CLSTN2: variants seen among roughly 807,000 people sequenced by gnomAD.
CLSTN2 encodes the protein calsyntenin 2.
CLSTN2 carries 48 observed loss-of-function variants against 101.2 expected under a neutral mutation model. The ratio of observed to expected loss-of-function variants is 0.47; its 90% CI spans 0.38 to 0.60. The LOEUF is 0.60. CLSTN2 is among the 20% of genes least tolerant of loss of function. The pLI is 0.00. For missense variants in CLSTN2, 1,160 were observed against 1,238.2 expected (o/e 0.94, Z 0.95); for synonymous variants, 481 against 463.6 (o/e 1.04, Z -0.48).
At chr3:140,548,636 G>A (rs947179486) in intron 10 of CLSTN2, among the ~76,000 whole-genome samples, 3 of 152,202 alleles carry the variant, frequency 2.0e-5, no homozygotes, top group Non-Finnish European at 4.4e-5. Context: ...TGTGAGTGAT[G>A]AGAGAGGGCT....
intron 1 of CLSTN2, among the ~76,000 whole-genome samples, chr3:140,103,150 A>G (rs2008996331): frequency 6.6e-6 from 1 of 152,206 alleles, no homozygotes; most frequent in Admixed American, 6.5e-5. Context: ...CCATGTTCCC[A>G]GTACCTGGGC....
At chr3:140,467,379 T>C (rs1933733243) in intron 8 of CLSTN2, among the ~76,000 whole-genome samples, 2 of 152,222 alleles carry the variant, frequency 1.3e-5, no homozygotes, top group South Asian at 4.1e-4. Flanking sequence ...TGGGTGGCTG[T>C]GCCATCAGGA....
At chr3:140,221,019 G>A (rs1387796966) in intron 2 of CLSTN2, among the ~76,000 whole-genome samples, 1 of 152,238 alleles carries the variant, frequency 6.6e-6, no homozygotes, top group Non-Finnish European at 1.5e-5. Flanking sequence ...GAGACTCATA[G>A]ACAAGGTCTA....
chr3:140,412,835 G>T (rs1379480776), intron 4 of CLSTN2, among the ~76,000 whole-genome samples: 1 of 152,058 alleles, frequency 6.6e-6, no homozygotes, highest in Non-Finnish European at 1.5e-5. Flanking sequence ...ATATCTTGAG[G>T]CAAATGAAAA....
intron 10 of CLSTN2, among the ~76,000 whole-genome samples, chr3:140,553,873 A>G (rs2107790069): frequency 6.6e-6 from 1 of 152,334 alleles, no homozygotes; most frequent in African/African-American, 2.4e-5. Flanking sequence ...GGGTTTGGTG[A>G]GTACTGATAA....
chr3:140,200,046 C>A (rs570131080), intron 2 of CLSTN2, among the ~76,000 whole-genome samples: 2 of 152,166 alleles, frequency 1.3e-5, no homozygotes, highest in African/African-American at 4.8e-5. Flanking sequence ...CCTACAAGGC[C>A]TTTAGTCCAG....
At chr3:140,496,724 C>G (rs569303469) in intron 8 of CLSTN2, among the ~76,000 whole-genome samples, 1 of 152,204 alleles carries the variant, frequency 6.6e-6, no homozygotes, top group South Asian at 2.1e-4. Context: ...CTGTTGTTGG[C>G]CTGGATGCTC....
chr3:140,338,588 C>T (rs1185396728), intron 2 of CLSTN2, among the ~76,000 whole-genome samples: 2 of 152,164 alleles, frequency 1.3e-5, no homozygotes, highest in Non-Finnish European at 2.9e-5. Context: ...CAGTAGTGCT[C>T]AGTGAACGGT....
intron 2 of CLSTN2, among the ~76,000 whole-genome samples, chr3:140,309,733 G>A (rs996005716): frequency 4.6e-5 from 7 of 151,988 alleles, no homozygotes; most frequent in Admixed American, 6.6e-5. Flanking sequence ...TTATTCCCCC[G>A]TGACTAAGTC....
chr3:140,100,147 CTT>C lies in CLSTN2; in HGVS notation c.110-75791_110-75790del, dbSNP rs34115783. 8.8e-3 allele frequency among the ~76,000 whole-genome samples: 1,273 copies of C among 145,346 alleles called. 23 individuals carry two copies. The highest frequency in any genetic ancestry group is 0.029 in the African/African-American group (1,146 of 39,700). ...ATTATCCTCTGTAAGTTGCATTTCT[CTT>C]TTTTTTTTTTTTGAACCATGCAACT... On this transcript the variant is annotated intron_variant, in intron 1 of 16. Transcript: ENST00000458420.
chr3:140,126,834 C>G (rs2009441456), intron 1 of CLSTN2, among the ~76,000 whole-genome samples: 1 of 152,112 alleles, frequency 6.6e-6, no homozygotes, highest in Non-Finnish European at 1.5e-5. Flanking sequence ...CAGGGATGGT[C>G]ACATCTGAAC....
chr3:139,977,288 A>G (rs1935833532), intron 1 of CLSTN2, among the ~76,000 whole-genome samples: 1 of 152,116 alleles, frequency 6.6e-6, no homozygotes, highest in Non-Finnish European at 1.5e-5. Context: ...AACAAGGGAT[A>G]AAGGAAGAAT....
chr3:140,556,444 G>A, intron 10 of CLSTN2, 69 bp from the exon 11 acceptor site: 2 of 1,509,398 alleles, frequency 1.3e-6, no homozygotes, highest in Non-Finnish European at 1.8e-6. Flanking sequence ...GTATGGACAG[G>A]AAGTGCTCCC....
At chr3:140,022,304 G>A (rs1445757651) in intron 1 of CLSTN2, among the ~76,000 whole-genome samples, 1 of 152,222 alleles carries the variant, frequency 6.6e-6, no homozygotes, top group Admixed American at 6.5e-5. Flanking sequence ...AGCCATCCCT[G>A]CGTATAGATG....
chr3:140,122,469 T>C (rs2009358970), intron 1 of CLSTN2, among the ~76,000 whole-genome samples: 2 of 152,206 alleles, frequency 1.3e-5, no homozygotes, highest in African/African-American at 4.8e-5. Flanking sequence ...TGATTCACAG[T>C]ATAACTATTT....
At chr3:140,429,198 A>T (rs1405819013) in intron 5 of CLSTN2, among the ~76,000 whole-genome samples, 1 of 151,420 alleles carries the variant, frequency 6.6e-6, no homozygotes, top group African/African-American at 2.4e-5. Context: ...GGTGGGAAAT[A>T]TTTTTTTTTG....
At chr3:140,066,821 G>T (rs2107775164) in intron 1 of CLSTN2, among the ~76,000 whole-genome samples, 1 of 152,292 alleles carries the variant, frequency 6.6e-6, no homozygotes, top group African/African-American at 2.4e-5. Context: ...GAAAACTATG[G>T]CAAAGAGGTA....
At chr3:140,339,802 C>T (rs912336803) in intron 2 of CLSTN2, among the ~76,000 whole-genome samples, 8 of 152,218 alleles carry the variant, frequency 5.3e-5, no homozygotes, top group African/African-American at 9.7e-5. Flanking sequence ...CCGAACTGTG[C>T]TTAGTCATAT....
chr3:140,165,078 T>C (rs925810049), intron 1 of CLSTN2, among the ~76,000 whole-genome samples: 8 of 152,234 alleles, frequency 5.3e-5, no homozygotes, highest in Non-Finnish European at 8.8e-5. Flanking sequence ...AAATACTTTT[T>C]CAATCCAATT....
Sources: gnomAD v4.1 joint callset for allele counts (sites outside exome capture counted in the v4.1 genomes callset) on GRCh38, gnomAD v4.1.1 for gene constraint, MANE v1.5 for transcripts, NCBI Gene and HGNC (gene_info 2026-07-23, HGNC 2026-07-21) for gene names.